The following NALCN variants were observed in gnomAD, a reference collection of about 807,000 sequenced individuals.
NALCN encodes the protein sodium leak channel, non-selective.
A neutral mutation model predicts 225.3 loss-of-function variants in NALCN; 111 were observed. The observed-to-expected ratio is 0.49, with a 90% CI of 0.42 to 0.58. The LOEUF (loss-of-function observed/expected upper bound fraction) is 0.58. Ranked by LOEUF, NALCN falls within the 20% of genes least tolerant of loss-of-function variation. NALCN has a pLI of 0.00. For synonymous variants in NALCN, 764 were observed against 769.0 expected (o/e 0.99, Z 0.11); for missense variants, 1,378 against 2,202.4 (o/e 0.63, Z 7.49).
At chr13:101,145,848 G>T (rs930516196) in intron 15 of NALCN, among the ~76,000 whole-genome samples, 1 of 152,038 alleles carries the variant, frequency 6.6e-6, no homozygotes, top group African/African-American at 2.4e-5. Flanking sequence ...TGTAATTCAG[G>T]CTGCCTTTTT....
intron 9 of NALCN, among the ~76,000 whole-genome samples, chr13:101,286,137 A>G (rs1167860498): frequency 6.6e-6 from 1 of 152,226 alleles, no homozygotes; most frequent in Non-Finnish European, 1.5e-5. Context: ...GGTTAATATT[A>G]CAGTAGATCT....
intron 7 of NALCN, among the ~76,000 whole-genome samples, chr13:101,329,069 T>C (rs749997723): frequency 3.3e-5 from 5 of 152,148 alleles, no homozygotes; most frequent in Admixed American, 2.0e-4. Flanking sequence ...TTTCCTTACA[T>C]ACAATGTAAG....
At chr13:101,120,225 C>G (rs564450462) in intron 18 of NALCN, among the ~76,000 whole-genome samples, 1 of 152,246 alleles carries the variant, frequency 6.6e-6, no homozygotes, top group Admixed American at 6.5e-5. Flanking sequence ...TGGGTCCCCC[C>G]TGAGAACTAA....
intron 7 of NALCN, among the ~76,000 whole-genome samples, chr13:101,308,383 C>T (rs2044224321): frequency 1.3e-5 from 2 of 152,174 alleles, no homozygotes; most frequent in African/African-American, 4.8e-5. Context: ...TTTTCCCTTC[C>T]CTTCCACCAG....
chr13:101,122,684 T>C (rs1011373338), intron 18 of NALCN, among the ~76,000 whole-genome samples: 33 of 152,362 alleles, frequency 2.2e-4, no homozygotes, highest in African/African-American at 7.5e-4. Flanking sequence ...ATCCAATCTA[T>C]TCAATTTTAT....
intron 10 of NALCN, among the ~76,000 whole-genome samples, chr13:101,270,265 G>T (rs1383143489): frequency 6.6e-6 from 1 of 152,040 alleles, no homozygotes; most frequent in East Asian, 1.9e-4. Context: ...AGTCAGGAAG[G>T]ACTACAATAG....
At chr13:101,143,886 T>G (rs771030374) in intron 16 of NALCN, among the ~76,000 whole-genome samples, 4 of 152,222 alleles carry the variant, frequency 2.6e-5, no homozygotes, top group Admixed American at 1.3e-4. Context: ...AATTTTACAT[T>G]TTAAGACTCA....
At chr13:101,178,645 C>T (rs191129219) in intron 14 of NALCN, among the ~76,000 whole-genome samples, 111 of 152,200 alleles carry the variant, frequency 7.3e-4, no homozygotes, top group African/African-American at 2.6e-3. Context: ...CTACTTGTCA[C>T]GGAAATATGA....
chr13:101,248,160 A>G (rs1235964311), intron 11 of NALCN, among the ~76,000 whole-genome samples: 2 of 152,184 alleles, frequency 1.3e-5, no homozygotes, highest in Non-Finnish European at 2.9e-5. Flanking sequence ...AGAATGATTT[A>G]TATTCCACCC....
intron 7 of NALCN, among the ~76,000 whole-genome samples, chr13:101,342,520 T>C (rs1282879019): frequency 2.3e-4 from 35 of 152,176 alleles, no homozygotes; most frequent in Admixed American, 2.2e-3. Flanking sequence ...TTTGCTCTGA[T>C]TCCCTGACTC....
At chr13:101,127,040 T>C (rs113835560) in intron 17 of NALCN, among the ~76,000 whole-genome samples, 3,414 of 152,290 alleles carry the variant, frequency 0.022, 52 homozygotes, top group Non-Finnish European at 0.035. Flanking sequence ...GAAAGGACAA[T>C]GACATGTGTT....
At chr13:101,346,303 G>A (rs1392466022) in intron 6 of NALCN, among the ~76,000 whole-genome samples, 2 of 151,864 alleles carry the variant, frequency 1.3e-5, no homozygotes, top group African/African-American at 4.8e-5. Context: ...ACCCAGATAA[G>A]CAAAGGAAGG....
intron 7 of NALCN, among the ~76,000 whole-genome samples, chr13:101,318,967 T>A (rs1426394423): frequency 2.6e-5 from 4 of 152,090 alleles, no homozygotes; most frequent in Non-Finnish European, 5.9e-5. Context: ...AAAAACCTAA[T>A]AAACACCCAC....
intron 6 of NALCN, among the ~76,000 whole-genome samples, chr13:101,355,010 C>T (rs976422684): frequency 1.3e-5 from 2 of 152,198 alleles, no homozygotes; most frequent in African/African-American, 2.4e-5. Context: ...CAATGAGCTC[C>T]TGCTCTGAGT....
chr13:101,233,911 G>A (rs551265329), intron 12 of NALCN, among the ~76,000 whole-genome samples: 98 of 152,224 alleles, frequency 6.4e-4, no homozygotes, highest in African/African-American at 2.2e-3. Context: ...ATTGGTTGCA[G>A]CCCAGCCACG....
chr13:101,255,739 T>A (rs922408836), intron 11 of NALCN, among the ~76,000 whole-genome samples: 1 of 152,208 alleles, frequency 6.6e-6, no homozygotes, highest in Non-Finnish European at 1.5e-5. Context: ...TATCAATCTC[T>A]GTTCCCAGAA....
chr13:101,077,094 C>T (rs1410207069), intron 34 of NALCN, among the ~76,000 whole-genome samples: 2 of 152,170 alleles, frequency 1.3e-5, no homozygotes, highest in African/African-American at 4.8e-5. Flanking sequence ...GTCACTCATA[C>T]TTCTTCCTGC....
chr13:101,308,185 T>C (rs1303058979), intron 7 of NALCN, among the ~76,000 whole-genome samples: 1 of 152,242 alleles, frequency 6.6e-6, no homozygotes, highest in Non-Finnish European at 1.5e-5. Context: ...TTTGGTTATT[T>C]AAGCCTGTAG....
chr13:101,137,530 A>T (rs2036860700), intron 17 of NALCN, among the ~76,000 whole-genome samples: 1 of 150,204 alleles, frequency 6.7e-6, no homozygotes, highest in African/African-American at 2.4e-5. Context: ...GTATGGCAAT[A>T]AAAAAAACGG....
Sources: gnomAD v4.1 joint callset for allele counts (sites outside exome capture counted in the v4.1 genomes callset) on GRCh38, gnomAD v4.1.1 for gene constraint, MANE v1.5 for transcripts, NCBI Gene and HGNC (gene_info 2026-07-23, HGNC 2026-07-21) for gene names.